Variants in UTRN observed in about 807,000 individuals in gnomAD.
The protein encoded by UTRN is utrophin, also known as dystrophin-related protein 1.
UTRN carries 283 observed loss-of-function variants against 463.9 expected under a neutral mutation model. The ratio of observed to expected loss-of-function variants is 0.61; its 90% CI spans 0.55 to 0.67. UTRN has a LOEUF of 0.67. Among genes scored for constraint, UTRN ranks in the 30% least tolerant of loss-of-function variants. The pLI, the probability that UTRN is intolerant of heterozygous loss-of-function variation, is 0.00. For missense variants in UTRN, 3,922 were observed against 4,084.3 expected (o/e 0.96, Z 1.08); for synonymous variants, 1,442 against 1,431.5 (o/e 1.01, Z -0.17).
intron 64 of UTRN, chr6:144,799,362 G>A (rs992906580): frequency 2.2e-6 from 1 of 451,278 alleles, no homozygotes; most frequent in Non-Finnish European, 4.6e-6. Context: ...CTAAGAGGAG[G>A]AAAAGACAGG....
At chr6:144,589,438 A>G (rs2128630813) in intron 51 of UTRN, among the ~76,000 whole-genome samples, 1 of 152,330 alleles carries the variant, frequency 6.6e-6, no homozygotes, top group East Asian at 1.9e-4. Flanking sequence ...CAGCAAGTGA[A>G]GGAACATGCC....
intron 65 of UTRN, among the ~76,000 whole-genome samples, chr6:144,817,245 A>T (rs906710358): frequency 2.0e-5 from 3 of 152,176 alleles, no homozygotes; most frequent in African/African-American, 7.2e-5. Flanking sequence ...TCCTATGCTA[A>T]CCTGTTACCC....
chr6:144,323,356 T>A (rs1172130489), intron 2 of UTRN, among the ~76,000 whole-genome samples: 1 of 152,140 alleles, frequency 6.6e-6, no homozygotes, highest in African/African-American at 2.4e-5. Flanking sequence ...CATCCCCTTA[T>A]CAAGATTAAT....
chr6:144,764,687 A>C (rs1392329334), intron 58 of UTRN, among the ~76,000 whole-genome samples: 4 of 152,248 alleles, frequency 2.6e-5, no homozygotes, highest in Non-Finnish European at 5.9e-5. Context: ...AATGTTTAAA[A>C]TTGTAAAATA....
chr6:144,450,925 C>T (rs1033986310), intron 17 of UTRN, among the ~76,000 whole-genome samples: 2 of 152,006 alleles, frequency 1.3e-5, no homozygotes, highest in Non-Finnish European at 2.9e-5. Context: ...TCAGCCTGGC[C>T]AACATGGTGA....
chr6:144,580,532 T>G (rs1475326424), intron 51 of UTRN, among the ~76,000 whole-genome samples: 2 of 152,126 alleles, frequency 1.3e-5, no homozygotes, highest in Non-Finnish European at 2.9e-5. Context: ...TGCCATTCTT[T>G]TAAGGATGGA....
chr6:144,716,831 C>T (rs1786511099), intron 53 of UTRN, among the ~76,000 whole-genome samples: 1 of 152,162 alleles, frequency 6.6e-6, no homozygotes, highest in African/African-American at 2.4e-5. Context: ...TGGTCATTAT[C>T]ACAATAACTT....
At chr6:144,396,143 A>G (rs1415208766) in intron 2 of UTRN, among the ~76,000 whole-genome samples, 2 of 152,186 alleles carry the variant, frequency 1.3e-5, no homozygotes, top group African/African-American at 4.8e-5. Flanking sequence ...TCTTTAGACA[A>G]ATGGATAAAG....
intron 53 of UTRN, among the ~76,000 whole-genome samples, chr6:144,727,761 TC>T (rs1353905670): frequency 1.1e-4 from 16 of 151,516 alleles, no homozygotes; most frequent in Non-Finnish European, 2.2e-4. Flanking sequence ...CGAGACTCTG[TC>T]TCAAAAAACA....
At chr6:144,328,865 C>T (rs972596683) in intron 2 of UTRN, among the ~76,000 whole-genome samples, 2 of 152,056 alleles carry the variant, frequency 1.3e-5, no homozygotes, top group Non-Finnish European at 2.9e-5. Flanking sequence ...CTCCCTGCAA[C>T]CTCTGCCTCC....
At chr6:144,303,351 C>T (rs1036961234) in intron 2 of UTRN, among the ~76,000 whole-genome samples, 1 of 152,182 alleles carries the variant, frequency 6.6e-6, no homozygotes, top group Admixed American at 6.5e-5. Flanking sequence ...GTAACAGTAT[C>T]TATAAAGCCG....
At chr6:144,617,803 C>T (rs1173854823) in intron 51 of UTRN, among the ~76,000 whole-genome samples, 1 of 152,162 alleles carries the variant, frequency 6.6e-6, no homozygotes, top group Non-Finnish European at 1.5e-5. Flanking sequence ...CTGCACAGAG[C>T]TACTGTTCTA....
At chr6:144,487,025 G>A (rs1414968997) in intron 28 of UTRN, among the ~76,000 whole-genome samples, 2 of 152,178 alleles carry the variant, frequency 1.3e-5, no homozygotes, top group Admixed American at 1.3e-4. Flanking sequence ...TGCATATATT[G>A]TAGGAAAATG....
chr6:144,803,688 A>G (rs1197539270), intron 65 of UTRN, among the ~76,000 whole-genome samples: 1 of 151,998 alleles, frequency 6.6e-6, no homozygotes, highest in Non-Finnish European at 1.5e-5. Flanking sequence ...TAATTGAGTG[A>G]ATTACTACAG....
chr6:144,661,030 C>T (rs1779815079), intron 51 of UTRN, among the ~76,000 whole-genome samples: 1 of 152,182 alleles, frequency 6.6e-6, no homozygotes, highest in Non-Finnish European at 1.5e-5. Context: ...CACCAATCTT[C>T]TTCCAATTTC....
At chr6:144,390,188 C>T (rs931667419) in intron 2 of UTRN, among the ~76,000 whole-genome samples, 9 of 152,028 alleles carry the variant, frequency 5.9e-5, no homozygotes, top group Non-Finnish European at 1.0e-4. Flanking sequence ...GAGAATAGAA[C>T]GGGAGACACG....
intron 33 of UTRN, among the ~76,000 whole-genome samples, chr6:144,495,418 G>A (rs894036705): frequency 2.0e-5 from 3 of 152,248 alleles, no homozygotes; most frequent in Non-Finnish European, 2.9e-5. Context: ...GCCTGGGGCC[G>A]GCAGGGCCAG....
chr6:144,839,300 A>G lies in UTRN; in HGVS notation c.10177+16A>G. 1 of 1,596,968 alleles carries G rather than the reference A, an allele frequency of 6.3e-7. No homozygotes were observed. The highest frequency in any genetic ancestry group is 8.6e-7 in the Non-Finnish European group (1 of 1,166,028). ...CACCAGGCAGGTCGGTGTCCCCAGC[A>G]CACAGCTCCTCTGCTGAGTCTGCTT... On this transcript the variant is annotated intron_variant, in intron 72 of 74. Transcript: ENST00000367545.
In UTRN at chr6:144,732,261, C is replaced by CATATATATATATAT. The variant is rs1562832840; in HGVS notation, c.7939+1776_7939+1777insTATATATATATATA. ...ATACATATATATATATATATATACA[C>CATATATATATATAT]ACATATATATATATATACACACATA... On this transcript the variant is annotated intron_variant, in intron 54 of 74. Coordinates refer to ENST00000367545, the MANE Select transcript of UTRN (RefSeq NM_007124.3). 1.1e-4 allele frequency among the ~76,000 whole-genome samples: 14 copies of CATATATATATATAT among 122,652 alleles called. No individual in the cohort carries two copies. The East Asian group carries it at 3.6e-3, about 32-fold the overall frequency. 80.5% of individuals were successfully genotyped at this position (122,652 alleles called of 152,430 possible).
Sources: gnomAD v4.1 joint callset for allele counts (sites outside exome capture counted in the v4.1 genomes callset) on GRCh38, gnomAD v4.1.1 for gene constraint, MANE v1.5 for transcripts, NCBI Gene and HGNC (gene_info 2026-07-23, HGNC 2026-07-21) for gene names.